Variants in UHRF2 observed in about 807,000 individuals in gnomAD.
UHRF2 encodes the protein E3 ubiquitin-protein ligase UHRF2.
A neutral mutation model predicts 96.8 loss-of-function variants in UHRF2; 23 were observed. That is an observed-to-expected ratio of 0.24 (90% CI 0.17 to 0.34). The LOEUF (loss-of-function observed/expected upper bound fraction) is 0.34, where lower values mean the gene tolerates loss of function less well. Ranked by LOEUF, UHRF2 falls within the 10% of genes least tolerant of loss-of-function variation. The pLI is 1.00. For missense variants in UHRF2, 685 were observed against 981.5 expected, an observed-to-expected ratio of 0.70 and a Z score of 4.04; for synonymous variants, 385 against 332.6, an observed-to-expected ratio of 1.16 and a Z score of -1.72.
At chr9:6,487,888 A>AT (rs1366494616) in intron 9 of UHRF2, among the ~76,000 whole-genome samples, 2 of 152,128 alleles carry the variant, frequency 1.3e-5, no homozygotes, top group Non-Finnish European at 2.9e-5. Flanking sequence ...TATAGAGTTT[A>AT]TTTTTTAAAA....
intron 1 of UHRF2, among the ~76,000 whole-genome samples, chr9:6,414,431 C>G (rs1819473053): frequency 6.6e-6 from 1 of 152,232 alleles, no homozygotes; most frequent in Admixed American, 6.5e-5. Flanking sequence ...TTAAGCATAG[C>G]ACTGCAGCAT....
intron 14 of UHRF2, among the ~76,000 whole-genome samples, chr9:6,502,314 G>T (rs1816336650): frequency 6.6e-6 from 1 of 152,064 alleles, no homozygotes; most frequent in African/African-American, 2.4e-5. Context: ...ATACCCCTGG[G>T]CCTTTACATA....
intron 4 of UHRF2, among the ~76,000 whole-genome samples, chr9:6,461,962 G>A (rs1221663979): frequency 6.0e-5 from 9 of 151,080 alleles, no homozygotes; most frequent in South Asian, 2.1e-4. Flanking sequence ...ATTGAGTGCC[G>A]AGGGTTTTAG....
intron 13 of UHRF2, among the ~76,000 whole-genome samples, chr9:6,500,183 G>A (rs919781228): frequency 1.3e-5 from 2 of 152,066 alleles, no homozygotes; most frequent in African/African-American, 4.8e-5. Context: ...GCCCAAGCTG[G>A]TCTTGAACTC....
intron 1 of UHRF2, among the ~76,000 whole-genome samples, chr9:6,420,314 C>G (rs976858726): frequency 6.6e-6 from 1 of 151,852 alleles, no homozygotes; most frequent in Non-Finnish European, 1.5e-5. Flanking sequence ...TTCGGCCTCC[C>G]AAAGTACTGA....
intron 3 of UHRF2, among the ~76,000 whole-genome samples, chr9:6,457,243 C>G (rs2130836217): frequency 6.6e-6 from 1 of 151,916 alleles, no homozygotes; most frequent in East Asian, 1.9e-4. Flanking sequence ...AGTTGTATTC[C>G]TAGGTATTTT....
In UHRF2 at chr9:6,500,721, T is replaced by C. The variant is rs759447482; in HGVS notation, c.2163+12T>C. On this transcript the variant is annotated intron_variant, in intron 14 of 15. Coordinates refer to ENST00000276893, the MANE Select transcript of UHRF2 (RefSeq NM_152896.3). ...TTGTGGAAGGACCAGTATGTGAAGA[T>C]TTTTTTAAATAATAACATTCTGATA... 2 of 1,592,572 alleles carry C rather than the reference T, an allele frequency of 1.3e-6. No homozygotes were observed. Among genetic ancestry groups the C allele is most frequent in the South Asian group, 1.2e-5 (1 of 86,688 alleles).
chr9:6,459,303 G>A (rs567019988), intron 3 of UHRF2, among the ~76,000 whole-genome samples: 1 of 152,294 alleles, frequency 6.6e-6, no homozygotes, highest in East Asian at 1.9e-4. Context: ...GTTCTTATAA[G>A]TACTGCAAAA....
rs372490071 is a variant in UHRF2 at position 6,493,777 on chromosome 9, A to C, written c.1498-49A>C. 2.0e-4 allele frequency: 297 copies of C among 1,480,444 alleles called. 2 individuals are homozygous for C. The Middle Eastern group carries it at 2.4e-3, about 12-fold the overall frequency. The allele number at this position is 1,480,444 out of a possible 1,614,324, so 91.7% of individuals were successfully genotyped here. The stretch of plus-strand genomic sequence containing the variant: ...TTGACTCTGAAATAAGAATTGATGA[A>C]ATTATACTTGGGTTTAGCTTTCTTA... On this transcript the variant is annotated intron_variant, in intron 9 of 15. Transcript: ENST00000276893.
At chr9:6,500,483 C>T in intron 13 of UHRF2, 69 bp from the exon 14 acceptor site, 1 of 1,355,186 alleles carries the variant, frequency 7.4e-7, no homozygotes, top group Non-Finnish European at 1.0e-6. Flanking sequence ...TGCCAGTTAA[C>T]TCTTTTGTTT....
intron 9 of UHRF2, among the ~76,000 whole-genome samples, chr9:6,487,460 AGATTCAAGC>A (rs1201822715): frequency 6.6e-6 from 1 of 152,098 alleles, no homozygotes. Context: ...TCCTCCTCCC[AGATTCAAGC>A]GATTCTCCTG....
intron 9 of UHRF2, among the ~76,000 whole-genome samples, chr9:6,490,642 G>T (rs926690765): frequency 6.6e-6 from 1 of 152,014 alleles, no homozygotes; most frequent in African/African-American, 2.4e-5. Flanking sequence ...AAGAAGAAAA[G>T]AATATTATCT....
chr9:6,487,026 GCA>G (rs1326341197), intron 9 of UHRF2, 101 bp downstream of exon 9: 7 of 1,113,498 alleles, frequency 6.3e-6, no homozygotes, highest in South Asian at 4.4e-5. Flanking sequence ...TGTCTTTTTA[GCA>G]CAGTTTTTGT....
At chr9:6,476,437 T>C (rs1267189846) in intron 5 of UHRF2, among the ~76,000 whole-genome samples, 1 of 152,228 alleles carries the variant, frequency 6.6e-6, no homozygotes, top group Non-Finnish European at 1.5e-5. Flanking sequence ...CTTGAATTTC[T>C]GGGAGGTAAT....
chr9:6,441,134 T>G (rs1037707510), intron 3 of UHRF2, among the ~76,000 whole-genome samples: 2 of 152,080 alleles, frequency 1.3e-5, no homozygotes, highest in African/African-American at 4.8e-5. Flanking sequence ...AACCTAGCAC[T>G]TTGGGAGGCC....
chr9:6,419,451 A>T (rs920986955), intron 1 of UHRF2, among the ~76,000 whole-genome samples: 39 of 152,298 alleles, frequency 2.6e-4, no homozygotes, highest in African/African-American at 8.9e-4. Context: ...AATTAGAATT[A>T]TCCCTTCTTG....
intron 1 of UHRF2, among the ~76,000 whole-genome samples, chr9:6,419,590 A>G (rs972746892): frequency 7.2e-5 from 11 of 152,352 alleles, no homozygotes; most frequent in African/African-American, 2.2e-4. Flanking sequence ...TTTATGAAAA[A>G]TAAGGTCATA....
At chr9:6,442,155 A>G (rs1181641277) in intron 3 of UHRF2, among the ~76,000 whole-genome samples, 3 of 152,100 alleles carry the variant, frequency 2.0e-5, no homozygotes, top group Non-Finnish European at 2.9e-5. Flanking sequence ...AATAGAGACA[A>G]GGTTTCACCA....
chr9:6,448,334 C>G (rs962179608), intron 3 of UHRF2, among the ~76,000 whole-genome samples: 3 of 152,166 alleles, frequency 2.0e-5, no homozygotes, highest in Admixed American at 6.5e-5. Flanking sequence ...TACTTCATTA[C>G]TTATCTGTGA....
Sources: gnomAD v4.1 joint callset for allele counts (sites outside exome capture counted in the v4.1 genomes callset) on GRCh38, gnomAD v4.1.1 for gene constraint, MANE v1.5 for transcripts, NCBI Gene and HGNC (gene_info 2026-07-23, HGNC 2026-07-21) for gene names.